IL19: variants seen among roughly 807,000 people sequenced by gnomAD.
IL19 encodes the protein interleukin 19.
In IL19, 15 loss-of-function variants were observed where a neutral mutation model predicts 19.5. That is an observed-to-expected ratio of 0.77 (90% CI 0.52 to 1.19). The LOEUF is 1.19. Ranked by LOEUF, IL19 falls within the 50% of genes most tolerant of loss-of-function variation. The probability of loss-of-function intolerance (pLI) is 0.00; values close to 1 mark genes in which losing one functional copy is unlikely to be tolerated. For missense variants in IL19, 199 were observed against 213.1 expected, an observed-to-expected ratio of 0.93 and a Z score of 0.41; for synonymous variants, 78 against 78.3, an observed-to-expected ratio of 1.00 and a Z score of 0.02.
At chr1:206,783,893 G>A (rs191393114) in intron 1 of IL19, among the ~76,000 whole-genome samples, 5 of 152,310 alleles carry the variant, frequency 3.3e-5, no homozygotes, top group East Asian at 1.9e-4. Context: ...TTGCAAGGGC[G>A]GAATGAGTGA....
chr1:206,829,661 G>A (rs139433152), intron 2 of IL19, among the ~76,000 whole-genome samples: 2 of 152,218 alleles, frequency 1.3e-5, no homozygotes, highest in African/African-American at 4.8e-5. Context: ...TTCCAAGACT[G>A]GGTTTGCATT....
chr1:206,815,933 A>T (rs888033641), intron 2 of IL19, among the ~76,000 whole-genome samples: 8 of 152,158 alleles, frequency 5.3e-5, no homozygotes, highest in African/African-American at 1.7e-4. Flanking sequence ...ACATTTTTTC[A>T]TTACAATGTT....
intron 1 of IL19, among the ~76,000 whole-genome samples, chr1:206,774,403 C>A (rs897701964): frequency 1.3e-5 from 2 of 152,174 alleles, no homozygotes; most frequent in Non-Finnish European, 2.9e-5. Flanking sequence ...AGAAGGGGAC[C>A]AGGACCTGGG....
intron 1 of IL19, among the ~76,000 whole-genome samples, chr1:206,784,654 G>A (rs1161348875): frequency 1.3e-5 from 2 of 152,202 alleles, no homozygotes; most frequent in Non-Finnish European, 2.9e-5. Context: ...TTCCTCAAGA[G>A]CATGGCCCCG....
chr1:206,784,668 G>A (rs1354673035), intron 1 of IL19, among the ~76,000 whole-genome samples: 1 of 152,230 alleles, frequency 6.6e-6, no homozygotes, highest in Non-Finnish European at 1.5e-5. Flanking sequence ...GGCCCCGGGG[G>A]CGGCGGGGGT....
intron 1 of IL19, among the ~76,000 whole-genome samples, chr1:206,781,414 C>CAAAAAAAAAAAAA (rs57060549): frequency 1.4e-4 from 6 of 43,022 alleles, no homozygotes; most frequent in African/African-American, 1.8e-4. Context: ...GACTCTGTCT[C>CAAAAAAAAAAAAA]AAAAAAAAAA....
At chr1:206,816,941 C>G (rs183600055) in intron 2 of IL19, among the ~76,000 whole-genome samples, 1 of 152,272 alleles carries the variant, frequency 6.6e-6, no homozygotes, top group African/African-American at 2.4e-5. Flanking sequence ...AAAGAAACAA[C>G]TTGCTGAAAA....
At chr1:206,804,044 T>C (rs2102462968) in intron 2 of IL19, among the ~76,000 whole-genome samples, 1 of 152,362 alleles carries the variant, frequency 6.6e-6, no homozygotes, top group Non-Finnish European at 1.5e-5. Flanking sequence ...TTCCCTTCCC[T>C]TTCTTGCTCT....
At position 206,770,901 on chromosome 1, in the gene IL19, A is replaced by G. The variant is rs1234119769; in HGVS notation, c.-326A>G. ...CTGCAAGGGAAAAAACTGATCTGCT[A>G]CTTACACAGCGCCGTAGCCTCAGCC... On this transcript the variant is annotated 5_prime_UTR_variant, in exon 1 of 7. Coordinates refer to ENST00000659997, the MANE Select transcript of IL19 (RefSeq NM_153758.5). 1.2e-5 allele frequency: 20 copies of G among 1,613,850 alleles called. No individual in the cohort carries two copies. The Middle Eastern group carries it at 4.9e-4, about 40-fold the overall frequency.
At chr1:206,801,055 C>A (rs376310132) in intron 2 of IL19, among the ~76,000 whole-genome samples, 3 of 152,140 alleles carry the variant, frequency 2.0e-5, no homozygotes, top group South Asian at 2.1e-4. Context: ...CAAATTGCAA[C>A]CTTCCTCAGA....
intron 2 of IL19, chr1:206,834,335 C>A: frequency 2.8e-5 from 28 of 985,574 alleles, no homozygotes; most frequent in Non-Finnish European, 3.4e-5. Flanking sequence ...AATGACCAGC[C>A]CTTTCCAAAT....
chr1:206,840,030 T>C, intron 5 of IL19, 28 bp downstream of exon 5: 1 of 1,613,820 alleles, frequency 6.2e-7, no homozygotes, highest in Non-Finnish European at 8.5e-7. Context: ...AATTCCAGCA[T>C]CTGCTCCCTG....
chr1:206,788,229 T>C (rs930430386), intron 1 of IL19, among the ~76,000 whole-genome samples: 2 of 152,224 alleles, frequency 1.3e-5, no homozygotes, highest in Non-Finnish European at 2.9e-5. Flanking sequence ...GTATACTGTG[T>C]GCCCACCATA....
rs36214464 is a variant in IL19 at position 206,833,954 on chromosome 1, A to C, written c.-2-2707A>C. On this transcript the variant is annotated intron_variant, in intron 2 of 6. Coordinates refer to ENST00000659997, the MANE Select transcript of IL19 (RefSeq NM_153758.5). ...GTGCTGCAGCCAGAGGCACCTGCAG[A>C]GCCTCATGGGCTGGCTGCTGCAGGG... 4.7e-4 allele frequency: 459 copies of C among 985,564 alleles called. 3 individuals are homozygous for C. The African/African-American group carries it at 7.5e-3, about 16-fold the overall frequency. The allele number at this position is 985,564 out of a possible 1,614,324, so 61.1% of individuals were successfully genotyped here. A position where few individuals can be genotyped will look rare whatever the true frequency, so the allele number is the denominator to read the frequency against.
At chr1:206,818,467 C>T (rs1042080021) in intron 2 of IL19, among the ~76,000 whole-genome samples, 1 of 152,200 alleles carries the variant, frequency 6.6e-6, no homozygotes, top group African/African-American at 2.4e-5. Flanking sequence ...ATTCTATTTA[C>T]ATAATATACT....
At chr1:206,838,347 G>A (rs993080838) in intron 4 of IL19, among the ~76,000 whole-genome samples, 2 of 152,174 alleles carry the variant, frequency 1.3e-5, no homozygotes, top group Non-Finnish European at 2.9e-5. Flanking sequence ...CAGAGTGTAA[G>A]GTATATTTGT....
chr1:206,798,372 C>G (rs373114518), intron 1 of IL19, among the ~76,000 whole-genome samples: 1 of 152,088 alleles, frequency 6.6e-6, no homozygotes, highest in Non-Finnish European at 1.5e-5. Context: ...GACCTGCAGT[C>G]CTTGGGGGGC....
chr1:206,821,384 A>G (rs1676285960), intron 2 of IL19, among the ~76,000 whole-genome samples: 1 of 152,264 alleles, frequency 6.6e-6, no homozygotes, highest in African/African-American at 2.4e-5. Flanking sequence ...AGTAGGCGCC[A>G]TATAAGCATT....
chr1:206,816,017 C>A (rs1294463164), intron 2 of IL19, among the ~76,000 whole-genome samples: 1 of 151,872 alleles, frequency 6.6e-6, no homozygotes, highest in Non-Finnish European at 1.5e-5. Context: ...ACATTGAGGA[C>A]CTACTGTACT....
Sources: gnomAD v4.1 joint callset for allele counts (sites outside exome capture counted in the v4.1 genomes callset) on GRCh38, gnomAD v4.1.1 for gene constraint, MANE v1.5 for transcripts, NCBI Gene and HGNC (gene_info 2026-07-23, HGNC 2026-07-21) for gene names.